The following PTGS1 variants were observed in gnomAD, a reference collection of about 807,000 sequenced individuals.
The protein encoded by PTGS1 is prostaglandin-endoperoxide synthase 1.
PTGS1 carries 40 observed loss-of-function variants against 63.0 expected under a neutral mutation model. That is an observed-to-expected ratio of 0.63 (90% CI 0.49 to 0.83). The LOEUF (loss-of-function observed/expected upper bound fraction) is 0.83. Among genes scored for constraint, PTGS1 ranks in the 40% least tolerant of loss-of-function variants. The pLI, the probability that PTGS1 is intolerant of heterozygous loss-of-function variation, is 0.00. For missense variants in PTGS1, 709 were observed against 786.5 expected, an observed-to-expected ratio of 0.90 and a Z score of 1.18; for synonymous variants, 298 against 301.9, an observed-to-expected ratio of 0.99 and a Z score of 0.13.
Position 122,377,939 on chromosome 9 carries a change from C to T in PTGS1, c.135C>T (p.Ile45=). Reference sequence around the variant, plus strand: ...ACTATCCATGCCAGCACCAGGGCATCTGTGTCCGCTTCGGCCTTGACCGCT... The same window carrying T: ...ACTATCCATGCCAGCACCAGGGCATTTGTGTCCGCTTCGGCCTTGACCGCT... ...CCYYPCQHQG[I]CVRFGLDRYQ... Residue 45 remains isoleucine (I), a synonymous_variant, in exon 3 of 11, where the codon ATC becomes ATT. Coordinates refer to ENST00000362012, the MANE Select transcript of PTGS1 (RefSeq NM_000962.4). 6.2e-7 allele frequency: 1 copy of T among 1,614,138 alleles called. No individual in the cohort carries two copies.
At position 122,379,677 on chromosome 9, in the gene PTGS1, C is replaced by G. The variant is rs550547570; in HGVS notation, c.496+759C>G. Among the ~76,000 whole-genome samples the G allele has an allele frequency of 4.6e-5, 7 of 152,350 alleles. No homozygotes were observed. In the South Asian group the frequency reaches 1.4e-3, roughly 32 times the overall value. Reference sequence around the variant, plus strand: ...CTTTTCCCAAAGCATGACTATTCTACCAGGATAGCTGAGTCTTGCCAACTT... The same window carrying G: ...CTTTTCCCAAAGCATGACTATTCTAGCAGGATAGCTGAGTCTTGCCAACTT... On this transcript the variant is annotated intron_variant, in intron 5 of 10. Transcript: ENST00000362012.
Position 122,392,232 on chromosome 9 carries a change from C to T in PTGS1, c.1488C>T (p.Asp496=). 6.2e-7 allele frequency: 1 copy of T among 1,605,498 alleles called. No individual in the cohort carries two copies. The highest frequency in any genetic ancestry group is 8.5e-7 in the Non-Finnish European group (1 of 1,173,142). ...MAAELEELYG[D]IDALEFYPGL... Reference sequence around the variant, plus strand: ...CAGAGTTGGAGGAATTGTATGGAGACATTGATGCGTTGGAGTTCTACCCTG... The same window carrying T: ...CAGAGTTGGAGGAATTGTATGGAGATATTGATGCGTTGGAGTTCTACCCTG... Residue 496 remains aspartate, a synonymous_variant, in exon 11 of 11, where the codon GAC becomes GAT. Coordinates refer to ENST00000362012, the MANE Select transcript of PTGS1 (RefSeq NM_000962.4).
intron 3 of PTGS1, 147 bp from the exon 4 acceptor site, chr9:122,378,286 T>A: frequency 1.7e-6 from 2 of 1,160,850 alleles, no homozygotes; most frequent in Non-Finnish European, 2.5e-6. Flanking sequence ...CATGTGTCAT[T>A]GCTCCCAAGG....
In PTGS1 at chr9:122,377,971, G is replaced by A; in HGVS notation, c.167G>A (p.Cys56Tyr). 1.2e-6 allele frequency: 2 copies of A among 1,613,974 alleles called. No homozygotes were observed. Among genetic ancestry groups the A allele is most frequent in the South Asian group, 1.1e-5 (1 of 91,086 alleles). ...CGCTTCGGCCTTGACCGCTACCAGTGTGACTGCACCCGCACGGGCTATTCC... is the reference window on the plus strand; with the variant it reads ...CGCTTCGGCCTTGACCGCTACCAGTATGACTGCACCCGCACGGGCTATTCC... ...CVRFGLDRYQ[C>Y]DCTRTGYSGP... Residue 56 changes from cysteine (C) to tyrosine (Y), a missense_variant, in exon 3 of 11, where the codon TGT becomes TAT. Physicochemically the swap from Cys to Tyr is radical, Grantham distance 194 (BLOSUM62 -2). Coordinates refer to ENST00000362012, the MANE Select transcript of PTGS1 (RefSeq NM_000962.4).
rs754721873 is a variant in PTGS1 at position 122,390,216 on chromosome 9, A to G, written c.1315A>G (p.Met439Val). 6.2e-7 allele frequency: 1 copy of G among 1,614,018 alleles called. No homozygotes were observed. The highest frequency in any genetic ancestry group is 8.5e-7 in the Non-Finnish European group (1 of 1,179,946). The change falls in exon 10 of 11, where the codon ATG (methionine) becomes GTG (valine). Residue 439 changes from methionine to valine, a missense_variant. Met to Val is a conservative substitution (Grantham distance 21, BLOSUM62 1). Coordinates refer to ENST00000362012, the MANE Select transcript of PTGS1 (RefSeq NM_000962.4). ...TCGGCAGATCGGTGGGGGCAGGAAC[A>G]TGGACCACCACATCCTGCATGTGGC... ...IAGRIGGGRN[M>V]DHHILHVAVD...
intron 5 of PTGS1, 48 bp from the exon 6 acceptor site, chr9:122,381,323 C>T (rs1227041843): frequency 6.3e-6 from 10 of 1,582,694 alleles, no homozygotes; most frequent in Non-Finnish European, 8.6e-6. Flanking sequence ...CCCAGGGCAG[C>T]AAGATCCAGA....
At chr9:122,378,055 C>G (rs766769987) in intron 3 of PTGS1, 40 bp downstream of exon 3, 2 of 1,552,104 alleles carry the variant, frequency 1.3e-6, no homozygotes, top group African/African-American at 1.4e-5. Context: ...CCGTCTTGAG[C>G]CCTTCTGCTC....
intron 5 of PTGS1, among the ~76,000 whole-genome samples, chr9:122,380,269 A>G (rs1420664496): frequency 6.6e-6 from 1 of 151,860 alleles, no homozygotes; most frequent in East Asian, 1.9e-4. Context: ...TTCAAGTCCA[A>G]CCTGGATGAC....
At chr9:122,384,191 G>A (rs1259514441) in intron 8 of PTGS1, among the ~76,000 whole-genome samples, 1 of 152,164 alleles carries the variant, frequency 6.6e-6, no homozygotes, top group African/African-American at 2.4e-5. Context: ...TTCCCTGCAT[G>A]TATCTACCTT....
In PTGS1 at chr9:122,378,572, A is replaced by G. The variant is rs147532493; in HGVS notation, c.351A>G (p.Thr117=). 11 of 1,614,102 alleles carry G rather than the reference A, an allele frequency of 6.8e-6. No individual in the cohort carries two copies. Among genetic ancestry groups the G allele is most frequent in the Admixed American group, 5.0e-5 (3 of 60,012 alleles). The part of the protein sequence containing the change: ...IREMLMRLVL[T]VRSNLIPSPP... The stretch of plus-strand genomic sequence containing the variant: ...AGATGCTCATGCGCCTGGTACTCAC[A>G]GGTGGGTGTGGGGCAGGGCCCCCTG... Residue 117 remains threonine, a splice_region_variant and synonymous_variant, in exon 4 of 11, where the codon ACA becomes ACG. Coordinates refer to ENST00000362012, the MANE Select transcript of PTGS1 (RefSeq NM_000962.4).
Position 122,371,352 on chromosome 9 carries a change from A to G in PTGS1, c.94+80A>G, listed in dbSNP as rs1836792734. Reference sequence around the variant, plus strand: ...GTTTCAACCCCCTCCTTTCCCCTCCAGCGGGCCCAGCTTCCCCTTTCTGCT... The same window carrying G: ...GTTTCAACCCCCTCCTTTCCCCTCCGGCGGGCCCAGCTTCCCCTTTCTGCT... On this transcript the variant is annotated intron_variant, in intron 2 of 10. Coordinates refer to ENST00000362012, the MANE Select transcript of PTGS1 (RefSeq NM_000962.4). The G allele has an allele frequency of 1.9e-6, 3 of 1,582,520 alleles. No individual in the cohort carries two copies. The Admixed American group carries it at 5.2e-5, about 27-fold the overall frequency.
At chr9:122,384,080 C>T (rs549844878) in intron 8 of PTGS1, among the ~76,000 whole-genome samples, 26 of 152,134 alleles carry the variant, frequency 1.7e-4, no homozygotes, top group African/African-American at 5.1e-4. Context: ...CCCTGAGTCT[C>T]GGTTTCCCCT....
rs1311054053 is a variant in PTGS1, at chr9:122,371,075, C to A, written c.-10C>A. The stretch of plus-strand genomic sequence containing the variant: ...CTGCACTCTGCGTCCCGCACCCCAG[C>A]AGCCGCGCCATGAGCCGTGAGTGCG... On this transcript the variant is annotated 5_prime_UTR_variant, in exon 1 of 11. Transcript: ENST00000362012. The A allele has an allele frequency of 4.4e-6, 7 of 1,596,946 alleles. No individual in the cohort carries two copies. Among genetic ancestry groups the A allele is most frequent in the East Asian group, 2.2e-5 (1 of 44,706 alleles).
chr9:122,388,012 C>T (rs1340724514), intron 9 of PTGS1, among the ~76,000 whole-genome samples: 1 of 152,210 alleles, frequency 6.6e-6, no homozygotes, highest in Middle Eastern at 3.2e-3. Flanking sequence ...TGCTTTATGG[C>T]CTCTTTGTCG....
intron 2 of PTGS1, among the ~76,000 whole-genome samples, chr9:122,376,725 C>G (rs1305615187): frequency 6.6e-6 from 1 of 152,208 alleles, no homozygotes; most frequent in East Asian, 1.9e-4. Context: ...ATGGAGCCTC[C>G]TGCCAGGCGC....
chr9:122,386,717 C>T lies in PTGS1; in HGVS notation c.1281C>T (p.Arg427=). The change falls in exon 9 of 11, where the codon CGC becomes CGT. Residue 427 remains arginine, a synonymous_variant. Coordinates refer to ENST00000362012, the MANE Select transcript of PTGS1 (RefSeq NM_000962.4). ...GVEALVDAFS[R]QIAGRIGGGR... Reference sequence around the variant, plus strand: ...AGGCCCTGGTGGATGCCTTCTCTCGCCAGATTGCTGGCCGGGTAAGCCCCA... The same window carrying T: ...AGGCCCTGGTGGATGCCTTCTCTCGTCAGATTGCTGGCCGGGTAAGCCCCA... 3 of 1,614,102 alleles carry T rather than the reference C, an allele frequency of 1.9e-6. No homozygotes were observed. The highest frequency in any genetic ancestry group is 2.2e-5 in the East Asian group (1 of 44,874).
At chr9:122,375,268 A>G (rs998553736) in intron 2 of PTGS1, 19 of 985,100 alleles carry the variant, frequency 1.9e-5, no homozygotes, top group Non-Finnish European at 2.3e-5. Context: ...CAGCTCCCGC[A>G]CAGCCTCTCT....
intron 2 of PTGS1, among the ~76,000 whole-genome samples, chr9:122,377,433 A>AAG (rs1282537975): frequency 2.6e-5 from 4 of 151,792 alleles, no homozygotes; most frequent in African/African-American, 9.7e-5. Context: ...GGTCTGGGAG[A>AAG]AGTCCCCGTC....
chr9:122,377,230 G>C (rs1208254328), intron 2 of PTGS1, among the ~76,000 whole-genome samples: 1 of 152,200 alleles, frequency 6.6e-6, no homozygotes, highest in African/African-American at 2.4e-5. Flanking sequence ...CTGAGGCTGT[G>C]GGGGTGGAGT....
Sources: gnomAD v4.1 joint callset for allele counts (sites outside exome capture counted in the v4.1 genomes callset) on GRCh38, gnomAD v4.1.1 for gene constraint, MANE v1.5 for transcripts, NCBI Gene and HGNC (gene_info 2026-07-23, HGNC 2026-07-21) for gene names.